FGF1: variants seen among roughly 807,000 people sequenced by gnomAD.
The protein encoded by FGF1 is beta-endothelial cell growth factor.
In FGF1, 9 loss-of-function variants were observed where a neutral mutation model predicts 13.4. The observed-to-expected ratio is 0.67, with a 90% confidence interval of 0.40 to 1.17. The LOEUF is 1.17. Ranked by LOEUF, FGF1 falls within the 50% of genes most tolerant of loss-of-function variation. The probability of loss-of-function intolerance (pLI) is 0.01; values close to 1 mark genes in which losing one functional copy is unlikely to be tolerated. For missense variants in FGF1, 156 were observed against 192.7 expected, an observed-to-expected ratio of 0.81 and a Z score of 1.13; for synonymous variants, 93 against 79.0, an observed-to-expected ratio of 1.18 and a Z score of -0.94.
At chr5:142,609,468 A>G (rs190007402) in intron 2 of FGF1, among the ~76,000 whole-genome samples, 2 of 152,326 alleles carry the variant, frequency 1.3e-5, no homozygotes, top group African/African-American at 4.8e-5. Context: ...GAAACTCCCC[A>G]GAAAGATCAG....
chr5:142,654,420 A>G (rs1331305241), intron 1 of FGF1, among the ~76,000 whole-genome samples: 1 of 152,232 alleles, frequency 6.6e-6, no homozygotes, highest in Non-Finnish European at 1.5e-5. Flanking sequence ...TTCACTTATA[A>G]TGAACTGCTC....
chr5:142,661,878 C>T (rs1769303084), intron 1 of FGF1, among the ~76,000 whole-genome samples: 1 of 152,078 alleles, frequency 6.6e-6, no homozygotes, highest in African/African-American at 2.4e-5. Context: ...TGGCGGTTGC[C>T]TGTAGTCTCA....
chr5:142,668,038 G>C (rs1034191209), intron 1 of FGF1, among the ~76,000 whole-genome samples: 9 of 152,218 alleles, frequency 5.9e-5, no homozygotes, highest in Admixed American at 1.3e-4. Flanking sequence ...CAGGCCCCTG[G>C]GGGAGGGCCT....
At chr5:142,612,123 G>A (rs1453409377) in intron 2 of FGF1, among the ~76,000 whole-genome samples, 1 of 152,214 alleles carries the variant, frequency 6.6e-6, no homozygotes, top group South Asian at 2.1e-4. Flanking sequence ...CTTGAATGCA[G>A]AAATCCTCAC....
intron 1 of FGF1, among the ~76,000 whole-genome samples, chr5:142,653,120 T>C (rs1767551023): frequency 6.6e-6 from 1 of 152,100 alleles, no homozygotes; most frequent in South Asian, 2.1e-4. Flanking sequence ...CGGTTACCTT[T>C]ACAGGAGTTT....
Position 142,674,111 on chromosome 5 carries a change from T to C in FGF1, c.-35+11846A>G, listed in dbSNP as rs368069929. Reference sequence around the variant, plus strand: ...TGTTCTACTGGCCACCACTTCTATGTCACCTGCTCAGAGAGGCTCCCCTCC... The same window carrying C: ...TGTTCTACTGGCCACCACTTCTATGCCACCTGCTCAGAGAGGCTCCCCTCC... On this transcript the variant is annotated intron_variant, in intron 1 of 3. Transcript: ENST00000337706. Among the ~76,000 whole-genome samples the C allele has an allele frequency of 7.1e-4, 108 of 152,328 alleles. 1 individual carries two copies. Among genetic ancestry groups the C allele is most frequent in the African/African-American group, 2.4e-3 (98 of 41,576 alleles).
intron 2 of FGF1, among the ~76,000 whole-genome samples, chr5:142,692,130 A>G (rs1007025867): frequency 1.4e-4 from 21 of 152,224 alleles, no homozygotes; most frequent in Admixed American, 6.5e-4. Context: ...CAGGAGTTCA[A>G]GACCAGCCTG....
At chr5:142,640,601 G>A (rs1463623238) in intron 1 of FGF1, among the ~76,000 whole-genome samples, 4 of 152,006 alleles carry the variant, frequency 2.6e-5, no homozygotes, top group Admixed American at 6.5e-5. Context: ...CCTTCTTCCA[G>A]CTGTTATCCA....
intron 1 of FGF1, among the ~76,000 whole-genome samples, chr5:142,660,918 C>T (rs1034223548): frequency 5.3e-5 from 8 of 152,226 alleles, no homozygotes; most frequent in Non-Finnish European, 1.0e-4. Context: ...CTCCTTCCTT[C>T]TCTGGCTCCA....
chr5:142,667,148 GT>G, intron 1 of FGF1, among the ~76,000 whole-genome samples: 1 of 151,856 alleles, frequency 6.6e-6, no homozygotes, highest in East Asian at 1.9e-4. Flanking sequence ...GGCAACGGTG[GT>G]GACGGGAGCC....
chr5:142,695,581 C>CA lies in FGF1; in HGVS notation c.-35+2040dup, dbSNP rs1202362613. 2.8e-3 allele frequency among the ~76,000 whole-genome samples: 327 copies of CA among 117,290 alleles called. 6 individuals are homozygous for CA. Among genetic ancestry groups the CA allele is most frequent in the African/African-American group, 0.011 (291 of 27,604 alleles). 76.9% of individuals were successfully genotyped at this position (117,290 alleles called of 152,430 possible). A position where few individuals can be genotyped will look rare whatever the true frequency, so the allele number is the denominator to read the frequency against. On this transcript the variant is annotated intron_variant, in intron 2 of 4. Coordinates refer to the FGF1 transcript ENST00000407758. ...TGGGTGACAGAGCAAGACTCTGTAT[C>CA]AAAAAGAAAAAAAAAAAAAGAAAGA...
chr5:142,649,229 T>TGA (rs1663240813), intron 1 of FGF1, among the ~76,000 whole-genome samples: 1 of 152,242 alleles, frequency 6.6e-6, no homozygotes, highest in South Asian at 2.1e-4. Flanking sequence ...TGTGTGTGTG[T>TGA]GACACACATC....
chr5:142,681,263 T>C (rs1235428463), intron 1 of FGF1, among the ~76,000 whole-genome samples: 1 of 152,264 alleles, frequency 6.6e-6, no homozygotes, highest in Non-Finnish European at 1.5e-5. Flanking sequence ...TTGTAAATTG[T>C]ACTGTGCTCA....
rs80127945 is a variant in FGF1 at position 142,675,999 on chromosome 5, C to T, written c.-35+9958G>A. 5.4e-3 allele frequency among the ~76,000 whole-genome samples: 828 copies of T among 152,244 alleles called. 7 individuals are homozygous for T. The highest frequency in any genetic ancestry group is 0.019 in the African/African-American group (785 of 41,534). On this transcript the variant is annotated intron_variant, in intron 1 of 3. Coordinates refer to ENST00000337706, the MANE Select transcript of FGF1 (RefSeq NM_000800.5). ...TGGGAACATCTACAGCTTAAAACTT[C>T]GGAACAAGTAGCCTGTGTCTGCCCT... is the stretch of plus-strand genomic sequence containing the variant.
At chr5:142,646,408 T>C (rs1450313298) in intron 1 of FGF1, among the ~76,000 whole-genome samples, 1 of 151,576 alleles carries the variant, frequency 6.6e-6, no homozygotes. Context: ...TGGAGTGCAG[T>C]GGCGCGCAAT....
chr5:142,616,997 G>A (rs1760384427), intron 1 of FGF1, among the ~76,000 whole-genome samples: 1 of 152,202 alleles, frequency 6.6e-6, no homozygotes, highest in African/African-American at 2.4e-5. Context: ...GCCGAATTTT[G>A]TTTCTCCTTG....
At chr5:142,660,164 C>T (rs1167574969) in intron 1 of FGF1, among the ~76,000 whole-genome samples, 1 of 152,264 alleles carries the variant, frequency 6.6e-6, no homozygotes, top group East Asian at 1.9e-4. Flanking sequence ...TGAAAACCAT[C>T]TTCACGCTCA....
chr5:142,668,641 C>T (rs1462413181), intron 1 of FGF1, among the ~76,000 whole-genome samples: 8 of 152,154 alleles, frequency 5.3e-5, no homozygotes, highest in Admixed American at 5.2e-4. Flanking sequence ...AAAAGGAGGC[C>T]AGTGATATAC....
chr5:142,683,403 AG>A (rs1774082040), intron 1 of FGF1, among the ~76,000 whole-genome samples: 1 of 152,200 alleles, frequency 6.6e-6, no homozygotes, highest in African/African-American at 2.4e-5. Flanking sequence ...TTTATGGTTA[AG>A]GGAATAGATT....
Sources: allele counts gnomAD v4.1 joint callset (sites outside exome capture counted in the v4.1 genomes callset), GRCh38; gene constraint gnomAD v4.1.1; transcripts MANE v1.5; gene names NCBI Gene and HGNC (gene_info 2026-07-23, HGNC 2026-07-21).